The following MAN1A1 variants were observed in gnomAD, a reference collection of about 807,000 sequenced individuals.
MAN1A1 encodes the protein mannosidase alpha class 1A member 1.
MAN1A1 carries 29 observed loss-of-function variants against 70.8 expected under a neutral mutation model. The ratio of observed to expected loss-of-function variants is 0.41; its 90% CI spans 0.31 to 0.56. The LOEUF (loss-of-function observed/expected upper bound fraction) is 0.56, where lower values mean the gene tolerates loss of function less well. Ranked by LOEUF, MAN1A1 falls within the 20% of genes least tolerant of loss-of-function variation. MAN1A1 has a pLI of 0.29. For synonymous variants in MAN1A1, 349 were observed against 330.1 expected, an observed-to-expected ratio of 1.06 and a Z score of -0.62; for missense variants, 747 against 841.3, an observed-to-expected ratio of 0.89 and a Z score of 1.39.
intron 6 of MAN1A1, among the ~76,000 whole-genome samples, chr6:119,230,982 A>G (rs1774659402): frequency 6.6e-6 from 1 of 152,168 alleles, no homozygotes; most frequent in Admixed American, 6.5e-5. Context: ...GAAAGAGATG[A>G]TGACATCTTT....
At chr6:119,268,688 G>A (rs1775827002) in intron 5 of MAN1A1, among the ~76,000 whole-genome samples, 1 of 152,030 alleles carries the variant, frequency 6.6e-6, no homozygotes, top group South Asian at 2.1e-4. Context: ...CCGGGCTTAG[G>A]TGACCTTCCC....
chr6:119,231,362 C>T (rs1427923964), intron 6 of MAN1A1, among the ~76,000 whole-genome samples: 1 of 152,152 alleles, frequency 6.6e-6, no homozygotes, highest in Non-Finnish European at 1.5e-5. Flanking sequence ...TCTGCTGCCA[C>T]TCACTCCGTC....
At chr6:119,326,453 T>C (rs1773149635) in intron 2 of MAN1A1, among the ~76,000 whole-genome samples, 1 of 152,240 alleles carries the variant, frequency 6.6e-6, no homozygotes. Flanking sequence ...AAATGGAGTA[T>C]GCACCTGTGC....
At chr6:119,196,911 C>T (rs149473325) in intron 8 of MAN1A1, among the ~76,000 whole-genome samples, 1 of 152,230 alleles carries the variant, frequency 6.6e-6, no homozygotes, top group Admixed American at 6.5e-5. Flanking sequence ...TCAATAGTAA[C>T]AAGATCAGTT....
chr6:119,350,592 A>G (rs928239643), upstream of MAN1A1: 6 of 975,740 alleles, frequency 6.1e-6, no homozygotes, highest in East Asian at 2.3e-4. Flanking sequence ...TTCAAGCAAT[A>G]AGTCGAACAC....
chr6:119,197,609 G>A (rs1178558891), intron 8 of MAN1A1, among the ~76,000 whole-genome samples: 1 of 152,130 alleles, frequency 6.6e-6, no homozygotes, highest in Non-Finnish European at 1.5e-5. Context: ...GGGGATCCTG[G>A]AAGAAATGGC....
chr6:119,188,514 T>G lies in MAN1A1; in HGVS notation c.1610A>C (p.Gln537Pro). ...DGGVEAIATR[Q>P]NEKYYILRPE... ...CCGTAAGATGTAGTATTTTTCATTT[T>G]GTCTTGTAGCGATGGCTTCAACACC... The change falls in exon 11 of 13, where the codon CAA (glutamine) becomes CCA (proline). Residue 537 changes from glutamine to proline, a missense_variant. Around this residue, in one of 2 missense-constraint regions of MAN1A1, gnomAD observed 419 missense variants for 548.2 expected, o/e 0.76. Transcript: ENST00000368468. The G allele has an allele frequency of 6.2e-7, 1 of 1,614,132 alleles. No homozygotes were observed. Among genetic ancestry groups the G allele is most frequent in the Non-Finnish European group, 8.5e-7 (1 of 1,179,952 alleles).
rs1400101363 is a variant in MAN1A1 at position 119,178,981 on chromosome 6, C to T, written c.*838G>A. 6.6e-6 allele frequency: 1 copy of T among 152,132 alleles called. No homozygotes were observed. The highest frequency in any genetic ancestry group is 2.4e-5 in the African/African-American group (1 of 41,452). 9.4% of individuals were successfully genotyped at this position (152,132 alleles called of 1,614,324 possible). A position where few individuals can be genotyped will look rare whatever the true frequency, so the allele number is the denominator to read the frequency against. On this transcript the variant is annotated 3_prime_UTR_variant, in exon 13 of 13. Coordinates refer to ENST00000368468, the MANE Select transcript of MAN1A1 (RefSeq NM_005907.4). The stretch of plus-strand genomic sequence containing the variant: ...TCATATATTCAGTTAAACCCAAAAG[C>T]TAATCCATTAAGTTGTACTATTTTC...
chr6:119,321,779 C>T (rs988766693), intron 2 of MAN1A1, among the ~76,000 whole-genome samples: 35 of 151,782 alleles, frequency 2.3e-4, no homozygotes, highest in African/African-American at 7.3e-4. Context: ...CACCATGCCT[C>T]GCTAATTTTT....
intron 11 of MAN1A1, among the ~76,000 whole-genome samples, chr6:119,183,030 G>A (rs1247604673): frequency 6.6e-6 from 1 of 152,130 alleles, no homozygotes; most frequent in African/African-American, 2.4e-5. Flanking sequence ...AAAGAGGCGA[G>A]GGAAAGTAAG....
chr6:119,205,746 G>A (rs546149375), intron 6 of MAN1A1, among the ~76,000 whole-genome samples: 90 of 152,272 alleles, frequency 5.9e-4, no homozygotes, highest in Admixed American at 3.8e-3. Context: ...AATAAAGTTC[G>A]TTATTCTCCT....
Position 119,348,429 on chromosome 6 carries a change from C to T in MAN1A1, c.603+34G>A, listed in dbSNP as rs778613039. ...GCCGTTTCTCCCTGAAAAACACGGC[C>T]GGTCGGGAGGGATTTCTGGCGCGGC... On this transcript the variant is annotated intron_variant, in intron 2 of 12. Coordinates refer to ENST00000368468, the MANE Select transcript of MAN1A1 (RefSeq NM_005907.4). 1.1e-5 allele frequency: 17 copies of T among 1,518,480 alleles called. No homozygotes were observed. The African/African-American group carries it at 2.4e-4, about 21-fold the overall frequency. The allele number at this position is 1,518,480 out of a possible 1,614,324, so 94.1% of individuals were successfully genotyped here.
At chr6:119,223,472 A>G (rs542534949) in intron 6 of MAN1A1, among the ~76,000 whole-genome samples, 51 of 152,306 alleles carry the variant, frequency 3.3e-4, no homozygotes, top group African/African-American at 1.2e-3. Flanking sequence ...TTCTGCAGGG[A>G]TGTTTGGAAA....
rs541082847 is a variant in MAN1A1, at chr6:119,289,752, T to G, written c.897+931A>C. 7.2e-5 allele frequency among the ~76,000 whole-genome samples: 11 copies of G among 152,102 alleles called. 1 individual carries two copies. In the East Asian group the frequency reaches 2.1e-3, roughly 29 times the overall value. Reference sequence around the variant, plus strand: ...TGTATGTTTTGGTTAAGAAAGTACTTGAGAGACAGGAACAAAGTCAAGCAG... The same window carrying G: ...TGTATGTTTTGGTTAAGAAAGTACTGGAGAGACAGGAACAAAGTCAAGCAG... On this transcript the variant is annotated intron_variant, in intron 5 of 12. Coordinates refer to ENST00000368468, the MANE Select transcript of MAN1A1 (RefSeq NM_005907.4).
chr6:119,329,727 C>G (rs548331217), intron 2 of MAN1A1, among the ~76,000 whole-genome samples: 2 of 152,248 alleles, frequency 1.3e-5, no homozygotes, highest in South Asian at 4.1e-4. Context: ...TTCTCATTGC[C>G]CCTTGTCATC....
rs1271413689 is a variant in MAN1A1 at position 119,199,830 on chromosome 6, T to TAGCTTGAGCCC, written c.1210+1413_1210+1423dup. 4.0e-5 allele frequency among the ~76,000 whole-genome samples: 6 copies of TAGCTTGAGCCC among 151,554 alleles called. No homozygotes were observed. The East Asian group carries it at 1.2e-3, about 29-fold the overall frequency. ...GGGGCGGGGGGCCGAGGTGGGAAGA[T>TAGCTTGAGCCC]AGCTTGAGCCCAGCTTGAGCCCAGG... On this transcript the variant is annotated intron_variant, in intron 8 of 12. Transcript: ENST00000368468.
intron 5 of MAN1A1, among the ~76,000 whole-genome samples, chr6:119,282,979 G>T (rs1228164264): frequency 1.3e-5 from 2 of 152,050 alleles, no homozygotes; most frequent in Admixed American, 6.6e-5. Context: ...TATTTTAAAG[G>T]TCTACAATAA....
chr6:119,230,560 C>T (rs910393071), intron 6 of MAN1A1, among the ~76,000 whole-genome samples: 1 of 152,196 alleles, frequency 6.6e-6, no homozygotes, highest in Non-Finnish European at 1.5e-5. Flanking sequence ...TCTACACATC[C>T]CCTTGATCCC....
intron 2 of MAN1A1, among the ~76,000 whole-genome samples, chr6:119,311,447 T>C (rs978117787): frequency 1.3e-5 from 2 of 152,098 alleles, no homozygotes; most frequent in Non-Finnish European, 2.9e-5. Context: ...TGTAAGGCAA[T>C]GTGGGGTAAT....
Sources: allele counts gnomAD v4.1 joint callset (sites outside exome capture counted in the v4.1 genomes callset), GRCh38; gene constraint gnomAD v4.1.1; regional missense constraint gnomAD v4.1.1; transcripts MANE v1.5; gene names NCBI Gene and HGNC (gene_info 2026-07-23, HGNC 2026-07-21).